The following EPHB4 variants were observed in gnomAD, a reference collection of about 807,000 sequenced individuals.
EPHB4 encodes the protein ephrin type-B receptor 4.
Under a neutral mutation model 110.6 loss-of-function variants are expected in EPHB4, and 50 were observed. The observed-to-expected ratio is 0.45, with a 90% confidence interval of 0.36 to 0.57. The LOEUF is 0.57. EPHB4 is among the 20% of genes least tolerant of loss of function. The pLI is 0.00. For missense variants in EPHB4, 1,128 were observed against 1,382.1 expected, an observed-to-expected ratio of 0.82 and a Z score of 2.91; for synonymous variants, 592 against 578.4, an observed-to-expected ratio of 1.02 and a Z score of -0.34.
chr7:100,807,647 T>C (rs1426211827), intron 12 of EPHB4, 67 bp from the exon 13 acceptor site: 14 of 1,490,032 alleles, frequency 9.4e-6, no homozygotes, highest in Non-Finnish European at 3.6e-6. Context: ...CCCATCCACA[T>C]CTTTTTTTTT....
At chr7:100,817,138 AG>A in intron 8 of EPHB4, 53 bp downstream of exon 8, 1 of 1,387,892 alleles carries the variant, frequency 7.2e-7, no homozygotes, top group Non-Finnish European at 9.4e-7. Flanking sequence ...GGGTCTTCCC[AG>A]GAACTTTGGG....
At chr7:100,805,106 T>A (rs1489926508) in intron 16 of EPHB4, 60 bp downstream of exon 16, 10 of 1,565,064 alleles carry the variant, frequency 6.4e-6, no homozygotes, top group Non-Finnish European at 6.9e-6. Context: ...GGAGACCCCG[T>A]GGGCCTGACT....
Position 100,817,285 on chromosome 7 carries a change from G to T in EPHB4, c.1495C>A (p.Arg499=). ...ACCTGCACCAGGTAGCTGGCTCCCC[G>T]CTTCAGCCCCCGCAGCTCTGCCCGG... ...ENRAELRGLK[R]GASYLVQVRA... The change falls in exon 8 of 17, where the codon CGG becomes AGG. Residue 499 remains arginine, a synonymous_variant. Transcript: ENST00000358173. 2 of 1,599,640 alleles carry T rather than the reference G, an allele frequency of 1.3e-6. No homozygotes were observed. Among genetic ancestry groups the T allele is most frequent in the Non-Finnish European group, 1.7e-6 (2 of 1,174,194 alleles).
At chr7:100,804,503 T>C (rs1467695253) in intron 16 of EPHB4, among the ~76,000 whole-genome samples, 2 of 151,784 alleles carry the variant, frequency 1.3e-5, no homozygotes, top group Admixed American at 6.6e-5. Context: ...TTAGTAGACA[T>C]AAGGTTTCAC....
At chr7:100,823,605 C>T (rs753378072) in intron 3 of EPHB4, 39 bp downstream of exon 3, 3 of 1,597,308 alleles carry the variant, frequency 1.9e-6, no homozygotes, top group East Asian at 2.2e-5. Flanking sequence ...GCTGGAATCC[C>T]ACCTTGGCTG....
chr7:100,807,586 G>A lies in EPHB4; in HGVS notation c.2119-6C>T, dbSNP rs771474807. 1.2e-6 allele frequency: 2 copies of A among 1,611,736 alleles called. No individual in the cohort carries two copies. The highest frequency in any genetic ancestry group is 1.3e-5 in the African/African-American group (1 of 74,832). ...GTGAACTGTCCGTCGTTTAGCTGGA[G>A]AGCAGATAGGGTGGGGGCTTGGTGA... On this transcript the variant is annotated splice_polypyrimidine_tract_variant and splice_region_variant and intron_variant, in intron 12 of 16. Transcript: ENST00000358173.
intron 2 of EPHB4, 134 bp downstream of exon 2, chr7:100,824,069 C>T (rs1406705002): frequency 6.6e-7 from 1 of 1,526,066 alleles, no homozygotes; most frequent in East Asian, 2.3e-5. Flanking sequence ...GAGAAGGGCT[C>T]AGACGACACT....
intron 1 of EPHB4, among the ~76,000 whole-genome samples, chr7:100,826,003 G>C (rs368973877): frequency 6.6e-6 from 1 of 152,228 alleles, no homozygotes; most frequent in African/African-American, 2.4e-5. Flanking sequence ...CCCAGCCAGG[G>C]GGAGAGGGTT....
chr7:100,813,713 C>T lies in EPHB4; in HGVS notation c.1695G>A (p.Lys565=). The change falls in exon 10 of 17, where the codon AAG becomes AAA. Residue 565 remains lysine, a synonymous_variant. Coordinates refer to ENST00000358173, the MANE Select transcript of EPHB4 (RefSeq NM_004444.5). ...VIVVAVLCLR[K]QSNGREAEYS... is the part of the protein sequence containing the mutation. Reference sequence around the variant, plus strand: ...ATTCTGCTTCTCTCCCATTGCTCTGCTTCCTGTAGCCGATGGGAAAGGAAC... The same window carrying T: ...ATTCTGCTTCTCTCCCATTGCTCTGTTTCCTGTAGCCGATGGGAAAGGAAC... The T allele has an allele frequency of 6.2e-7, 1 of 1,614,212 alleles. No individual in the cohort carries two copies. The highest frequency in any genetic ancestry group is 8.5e-7 in the Non-Finnish European group (1 of 1,180,042).
rs552326823 is a variant in EPHB4 at position 100,823,540 on chromosome 7, G to A, written c.411+104C>T. On this transcript the variant is annotated intron_variant, in intron 3 of 16. Coordinates refer to ENST00000358173, the MANE Select transcript of EPHB4 (RefSeq NM_004444.5). ...GCCTCCTGCTTCCAGCCCCCAGCGC[G>A]CGGGCCAGAGGCCTCGCAACTACAT... 33 of 1,435,298 alleles carry A rather than the reference G, an allele frequency of 2.3e-5. No individual in the cohort carries two copies. In the East Asian group the frequency reaches 3.8e-4, roughly 16 times the overall value. The allele number at this position is 1,435,298 out of a possible 1,614,324, so 88.9% of individuals were successfully genotyped here. A position where few individuals can be genotyped will look rare whatever the true frequency, so the allele number is the denominator to read the frequency against.
chr7:100,808,916 C>G (rs1470891711), intron 12 of EPHB4, among the ~76,000 whole-genome samples: 1 of 152,118 alleles, frequency 6.6e-6, no homozygotes, highest in African/African-American at 2.4e-5. Flanking sequence ...TCAGAGTTTC[C>G]TTTGACCCCC....
At chr7:100,808,230 T>C (rs1812857150) in intron 12 of EPHB4, among the ~76,000 whole-genome samples, 1 of 152,054 alleles carries the variant, frequency 6.6e-6, no homozygotes, top group Non-Finnish European at 1.5e-5. Context: ...GTTTTTTAGT[T>C]TTTTTAGAGA....
At chr7:100,817,055 C>T in intron 8 of EPHB4, 137 bp downstream of exon 8, 3 of 1,057,002 alleles carry the variant, frequency 2.8e-6, no homozygotes, top group Non-Finnish European at 3.7e-6. Context: ...TGCACTCCAG[C>T]CTGAGGGACA....
chr7:100,807,687 G>C, intron 12 of EPHB4, 107 bp from the exon 13 acceptor site: 1 of 1,192,456 alleles, frequency 8.4e-7, no homozygotes, highest in Non-Finnish European at 1.2e-6. Flanking sequence ...TGTCGCCCAG[G>C]CTGGAGTGCA....
At chr7:100,808,725 G>C (rs1337417461) in intron 12 of EPHB4, among the ~76,000 whole-genome samples, 2 of 152,202 alleles carry the variant, frequency 1.3e-5, no homozygotes, top group Non-Finnish European at 2.9e-5. Context: ...GTCACAGACA[G>C]TAAACAAATC....
intron 8 of EPHB4, 177 bp from the exon 9 acceptor site, chr7:100,814,198 C>T: frequency 1.7e-6 from 1 of 602,542 alleles, no homozygotes; most frequent in Non-Finnish European, 2.8e-6. Context: ...TTCAAACTCT[C>T]CCCCAGGGGC....
chr7:100,806,714 C>G, intron 13 of EPHB4, 145 bp from the exon 14 acceptor site: 1 of 1,007,156 alleles, frequency 9.9e-7, no homozygotes, highest in South Asian at 1.7e-5. Context: ...TCTGTTTGCC[C>G]AGGTTGGAGT....
chr7:100,806,290 A>C (rs1584653542), intron 14 of EPHB4, 130 bp downstream of exon 14: 1 of 1,155,040 alleles, frequency 8.7e-7, no homozygotes, highest in Non-Finnish European at 1.2e-6. Flanking sequence ...ACAAAGATCA[A>C]TTCTCCTTTT....
chr7:100,805,138 C>G, intron 16 of EPHB4, 28 bp downstream of exon 16: 1 of 1,606,226 alleles, frequency 6.2e-7, no homozygotes, highest in Non-Finnish European at 8.5e-7. Context: ...GCTCTCCCAG[C>G]CCCACTCCAG....
Sources: gnomAD v4.1 joint callset for allele counts (sites outside exome capture counted in the v4.1 genomes callset) on GRCh38, gnomAD v4.1.1 for gene constraint, MANE v1.5 for transcripts, NCBI Gene and HGNC (gene_info 2026-07-23, HGNC 2026-07-21) for gene names.